Variants in UBE3B observed in about 807,000 individuals in gnomAD.
The protein encoded by UBE3B is ubiquitin-protein ligase E3B.
Under a neutral mutation model 132.3 loss-of-function variants are expected in UBE3B, and 80 were observed. That is an observed-to-expected ratio of 0.60 (90% CI 0.50 to 0.73). The LOEUF is 0.73. UBE3B is among the 30% of genes least tolerant of loss of function. UBE3B has a pLI of 0.00. For missense variants in UBE3B, 1,196 were observed against 1,362.5 expected, an observed-to-expected ratio of 0.88 and a Z score of 1.92; for synonymous variants, 487 against 520.4, an observed-to-expected ratio of 0.94 and a Z score of 0.87.
At chr12:109,546,243 G>T in the UBE3B span, among the ~76,000 whole-genome samples, 1 of 152,082 alleles carries the variant, frequency 6.6e-6, no homozygotes. Flanking sequence ...GCTATCACAG[G>T]GGCCCCTGGT....
chr12:109,522,744 G>A lies in UBE3B; in HGVS notation c.2364+1193G>A, dbSNP rs1881860888. ...TCCCTGGCCATGATGGAATCAGGTG[G>A]CCCATCTGAGCCCCTGCCCAAACAC... On this transcript the variant is annotated intron_variant, in intron 21 of 27. Transcript: ENST00000342494. The surrounding 1 kb of genome is among the most constrained non-coding windows in gnomAD (Gnocchi z 4.2). Among the ~76,000 whole-genome samples the A allele has an allele frequency of 6.6e-6, 1 of 152,172 alleles. No individual in the cohort carries two copies. The highest frequency in any genetic ancestry group is 2.1e-4 in the South Asian group (1 of 4,824).
chr12:109,525,346 C>A (rs1027863466), intron 23 of UBE3B, among the ~76,000 whole-genome samples: 1 of 152,220 alleles, frequency 6.6e-6, no homozygotes, highest in African/African-American at 2.4e-5. Context: ...ACACAGAACT[C>A]TTCTTTGAAG....
At chr12:109,511,004 G>A (rs1880299506) in intron 17 of UBE3B, among the ~76,000 whole-genome samples, 200 bp from the exon 18 acceptor site, 1 of 152,206 alleles carries the variant, frequency 6.6e-6, no homozygotes, top group South Asian at 2.1e-4. Context: ...AGTCTCTGTT[G>A]TAGCTACTCA....
intron 17 of UBE3B, 117 bp from the exon 18 acceptor site, chr12:109,511,087 A>G (rs1187999344): frequency 2.4e-6 from 2 of 836,964 alleles, no homozygotes; most frequent in Non-Finnish European, 3.9e-6. Context: ...TTCCCATCAG[A>G]CTCTTGAGAA....
At position 109,501,660 on chromosome 12, in the gene UBE3B, CTTG is replaced by C. The variant is rs1400406425; in HGVS notation, c.1282+132_1282+134del. ...TAACTTTGTTTTTGTTGTTATCGTTCTTGTTGTTAGAGACAGAGTCTCACTGTA... is the reference window on the plus strand; with the variant it reads ...TAACTTTGTTTTTGTTGTTATCGTTCTTGTTAGAGACAGAGTCTCACTGTA... On this transcript the variant is annotated intron_variant, in intron 13 of 27. Transcript: ENST00000342494. 4 of 1,200,458 alleles carry C rather than the reference CTTG, an allele frequency of 3.3e-6. No individual in the cohort carries two copies. In the African/African-American group the frequency reaches 4.6e-5, roughly 14 times the overall value. The allele number at this position is 1,200,458 out of a possible 1,614,324, so 74.4% of individuals were successfully genotyped here. A position where few individuals can be genotyped will look rare whatever the true frequency, so the allele number is the denominator to read the frequency against.
Position 109,524,228 on chromosome 12 carries a change from C to T in UBE3B, c.2502+113C>T, listed in dbSNP as rs564556331. On this transcript the variant is annotated intron_variant, in intron 22 of 27. Transcript: ENST00000342494. ...CTTATTGCTGTTGCTGTAGCTGCTACAGGCCCCTCACATCCCCCTGTGGGC... is the reference window on the plus strand; with the variant it reads ...CTTATTGCTGTTGCTGTAGCTGCTATAGGCCCCTCACATCCCCCTGTGGGC... The T allele has an allele frequency of 8.1e-5, 120 of 1,477,060 alleles. No individual in the cohort carries two copies. The South Asian group carries it at 1.4e-3, about 17-fold the overall frequency. The allele number at this position is 1,477,060 out of a possible 1,614,324, so 91.5% of individuals were successfully genotyped here. A position where few individuals can be genotyped will look rare whatever the true frequency, so the allele number is the denominator to read the frequency against.
intron 24 of UBE3B, among the ~76,000 whole-genome samples, chr12:109,529,581 C>A (rs760479443): frequency 6.6e-6 from 1 of 152,204 alleles, no homozygotes; most frequent in Non-Finnish European, 1.5e-5. Context: ...CCTCTTCTTA[C>A]GTGGGGAATG....
intron 17 of UBE3B, among the ~76,000 whole-genome samples, chr12:109,510,736 T>C (rs7314631): frequency 0.086 from 13,083 of 152,318 alleles, 1,326 homozygotes; most frequent in African/African-American, 0.24. Context: ...AGAGGTCTTT[T>C]AGCTGAGCTG....
At chr12:109,513,263 C>G (rs1048476840) in intron 18 of UBE3B, among the ~76,000 whole-genome samples, 3 of 152,182 alleles carry the variant, frequency 2.0e-5, no homozygotes, top group Admixed American at 1.3e-4. Flanking sequence ...TCTAGACCCT[C>G]CGCTCTGTTT....
the UBE3B span, among the ~76,000 whole-genome samples, chr12:109,546,084 G>T: frequency 6.6e-6 from 1 of 152,162 alleles, no homozygotes; most frequent in Non-Finnish European, 1.5e-5. Flanking sequence ...GACAGAATCA[G>T]TGCCCACTCC....
chr12:109,484,377 C>T (rs368767023), intron 4 of UBE3B, among the ~76,000 whole-genome samples: 2 of 152,176 alleles, frequency 1.3e-5, no homozygotes, highest in East Asian at 1.9e-4. Flanking sequence ...TACTACACAC[C>T]TCGGTGGTGG....
At chr12:109,504,794 GT>G (rs1189995947) in intron 14 of UBE3B, among the ~76,000 whole-genome samples, 1 of 151,200 alleles carries the variant, frequency 6.6e-6, no homozygotes. Context: ...TGGGGTTGTG[GT>G]TTGTGTCCAG....
At chr12:109,484,011 A>G in intron 4 of UBE3B, 30 bp downstream of exon 4, 1 of 1,585,186 alleles carries the variant, frequency 6.3e-7, no homozygotes, top group South Asian at 1.1e-5. Context: ...CATGTATAAT[A>G]CTTCCATATG....
At chr12:109,501,565 G>C in intron 13 of UBE3B, 31 bp downstream of exon 13, 1 of 1,596,902 alleles carries the variant, frequency 6.3e-7, no homozygotes, top group Admixed American at 1.8e-5. Flanking sequence ...CAACCCTGTA[G>C]CTCCACTTGG....
intron 13 of UBE3B, 71 bp from the exon 14 acceptor site, chr12:109,502,952 C>T: frequency 6.3e-7 from 1 of 1,592,410 alleles, no homozygotes; most frequent in Non-Finnish European, 8.6e-7. Context: ...CTGAAATGCT[C>T]TTCCTTTTCC....
chr12:109,523,338 G>C (rs1469718778), intron 21 of UBE3B, among the ~76,000 whole-genome samples: 2 of 152,216 alleles, frequency 1.3e-5, no homozygotes, highest in Admixed American at 6.5e-5. Context: ...TAAAAGTGCA[G>C]CTCTGTCCCT....
Position 109,488,663 on chromosome 12 carries a change from G to A in UBE3B, c.539G>A (p.Gly180Glu), listed in dbSNP as rs1696902011. 1 of 1,613,804 alleles carries A rather than the reference G, an allele frequency of 6.2e-7. No individual in the cohort carries two copies. The highest frequency in any genetic ancestry group is 8.5e-7 in the Non-Finnish European group (1 of 1,179,724). Residue 180 changes from glycine (G) to glutamate (E), a missense_variant, in exon 7 of 28, where the codon GGA (glycine) becomes GAA (glutamate). Coordinates refer to ENST00000342494, the MANE Select transcript of UBE3B (RefSeq NM_130466.4). ...TDTSTWKILR[G>E]KGESLRPAMN... is the part of the protein sequence containing the mutation. Reference sequence around the variant, plus strand: ...ACTTCAACGTGGAAAATTCTTCGGGGAAAAGGTCTGTGGGACTTGCTTCAA... The same window carrying A: ...ACTTCAACGTGGAAAATTCTTCGGGAAAAAGGTCTGTGGGACTTGCTTCAA...
chr12:109,511,079 C>G (rs1880308899), intron 17 of UBE3B, 125 bp from the exon 18 acceptor site: 1 of 788,164 alleles, frequency 1.3e-6, no homozygotes, highest in Non-Finnish European at 2.1e-6. Context: ...TGGTCATGTT[C>G]CCATCAGACT....
At chr12:109,506,451 C>T (rs924698019) in intron 14 of UBE3B, among the ~76,000 whole-genome samples, 3 of 152,174 alleles carry the variant, frequency 2.0e-5, no homozygotes, top group African/African-American at 4.8e-5. Context: ...CAGGTTCAAG[C>T]GATTCTCCTG....
Sources: gnomAD v4.1 joint callset for allele counts (sites outside exome capture counted in the v4.1 genomes callset) on GRCh38, gnomAD v4.1.1 for gene constraint, Gnocchi (gnomAD v3.1) non-coding constraint, MANE v1.5 for transcripts, NCBI Gene and HGNC (gene_info 2026-07-23, HGNC 2026-07-21) for gene names.